The following MARCHF1 variants were observed in gnomAD, a reference collection of about 807,000 sequenced individuals.
MARCHF1 encodes E3 ubiquitin-protein ligase MARCHF1.
In MARCHF1, 40 loss-of-function variants were observed where a neutral mutation model predicts 54.2. The observed-to-expected ratio is 0.74, with a 90% CI of 0.57 to 0.96. The LOEUF is 0.96. Ranked by LOEUF, MARCHF1 falls within the 40% of genes least tolerant of loss-of-function variation. The probability of loss-of-function intolerance (pLI) is 0.00; values close to 1 mark genes in which losing one functional copy is unlikely to be tolerated. For missense variants in MARCHF1, 586 were observed against 656.5 expected, an observed-to-expected ratio of 0.89 and a Z score of 1.17; for synonymous variants, 236 against 236.3, an observed-to-expected ratio of 1.00 and a Z score of 0.01.
intron 4 of MARCHF1, among the ~76,000 whole-genome samples, chr4:163,802,665 G>C (rs1358429304): frequency 2.0e-5 from 3 of 152,172 alleles, no homozygotes; most frequent in Non-Finnish European, 2.9e-5. Context: ...ATTCTTGAGA[G>C]AAAATCATCA....
At chr4:164,155,728 C>T (rs756477820) in intron 1 of MARCHF1, among the ~76,000 whole-genome samples, 11 of 152,032 alleles carry the variant, frequency 7.2e-5, no homozygotes, top group Non-Finnish European at 1.2e-4. Context: ...ATTAATAATA[C>T]ACTATTCAGG....
intron 3 of MARCHF1, among the ~76,000 whole-genome samples, chr4:163,980,657 T>G (rs1348154439): frequency 2.0e-5 from 3 of 152,178 alleles, no homozygotes; most frequent in Non-Finnish European, 4.4e-5. Context: ...AGATGAATCC[T>G]TCACTGTATA....
intron 4 of MARCHF1, among the ~76,000 whole-genome samples, chr4:163,712,731 A>G (rs1745144254): frequency 6.6e-6 from 1 of 152,202 alleles, no homozygotes; most frequent in Non-Finnish European, 1.5e-5. Context: ...AAATAGACAC[A>G]AGGACTTAAA....
intron 5 of MARCHF1, among the ~76,000 whole-genome samples, chr4:163,642,643 G>C (rs1202522875): frequency 6.6e-6 from 1 of 152,190 alleles, no homozygotes; most frequent in South Asian, 2.1e-4. Flanking sequence ...AAAATGAAGG[G>C]ATGGGTGATT....
chr4:163,718,161 A>C (rs1745324683), intron 4 of MARCHF1, among the ~76,000 whole-genome samples: 1 of 152,240 alleles, frequency 6.6e-6, no homozygotes, highest in Admixed American at 6.5e-5. Context: ...TTCAAGATGG[A>C]TTAAAGACTT....
intron 8 of MARCHF1, among the ~76,000 whole-genome samples, chr4:163,547,759 T>G (rs1738957789): frequency 1.3e-5 from 2 of 152,250 alleles, no homozygotes; most frequent in Non-Finnish European, 2.9e-5. Flanking sequence ...AGTATGACCT[T>G]GATGCTCTAG....
chr4:163,568,305 A>C (rs1739717789), intron 8 of MARCHF1, among the ~76,000 whole-genome samples: 2 of 152,074 alleles, frequency 1.3e-5, no homozygotes, highest in African/African-American at 4.8e-5. Flanking sequence ...ACTAATGATA[A>C]TTCTTTGTTT....
At position 163,612,355 on chromosome 4, in the gene MARCHF1, T is replaced by C; in HGVS notation, c.926A>G (p.Asn309Ser). The C allele has an allele frequency of 6.5e-7, 1 of 1,535,430 alleles. No homozygotes were observed. Among genetic ancestry groups the C allele is most frequent in the African/African-American group, 1.4e-5 (1 of 73,108 alleles). Residue 309 changes from asparagine to serine, a missense_variant, in exon 7 of 10, where the codon AAT becomes AGT. Physicochemically the swap from Asn to Ser is conservative, Grantham distance 46. Coordinates refer to ENST00000514618, the MANE Select transcript of MARCHF1 (RefSeq NM_001394959.1). The part of the protein sequence containing the change: ...LGVPEGSKDM[N>S]DAGLQVNNPV... Reference sequence around the variant, plus strand: ...GTTATTCACCTGGAGCCCTGCATCATTCATGTCCTTGCTGCCTTCTGGAAC... The same window carrying C: ...GTTATTCACCTGGAGCCCTGCATCACTCATGTCCTTGCTGCCTTCTGGAAC...
intron 3 of MARCHF1, among the ~76,000 whole-genome samples, chr4:163,904,805 G>GAGAGAT (rs1173686795): frequency 3.0e-4 from 46 of 152,070 alleles, no homozygotes; most frequent in Non-Finnish European, 5.1e-4. Flanking sequence ...GAGAGAGAGA[G>GAGAGAT]AGACAGAGAG....
At chr4:163,721,235 T>C (rs1745446059) in intron 4 of MARCHF1, among the ~76,000 whole-genome samples, 1 of 152,220 alleles carries the variant, frequency 6.6e-6, no homozygotes, top group East Asian at 1.9e-4. Flanking sequence ...GTTTTTAGCA[T>C]GAAGGGTTGT....
intron 1 of MARCHF1, among the ~76,000 whole-genome samples, chr4:164,354,915 G>A (rs1358751833): frequency 1.9e-4 from 25 of 134,232 alleles, no homozygotes; most frequent in African/African-American, 6.4e-4. Flanking sequence ...CTTCAGCAAA[G>A]TCTCAGGATA....
At chr4:163,923,719 T>C (rs1324282286) in intron 3 of MARCHF1, among the ~76,000 whole-genome samples, 1 of 151,710 alleles carries the variant, frequency 6.6e-6, no homozygotes, top group Non-Finnish European at 1.5e-5. Flanking sequence ...ATATATACAT[T>C]TATGCTACAA....
chr4:163,843,901 T>C (rs77409344), intron 4 of MARCHF1, among the ~76,000 whole-genome samples: 3,272 of 152,150 alleles, frequency 0.022, 108 homozygotes, highest in African/African-American at 0.072. Flanking sequence ...TTTTTCCATA[T>C]GTTTGTTGGA....
intron 1 of MARCHF1, among the ~76,000 whole-genome samples, chr4:164,283,846 G>A (rs1404878099): frequency 3.3e-5 from 5 of 150,822 alleles, no homozygotes; most frequent in Non-Finnish European, 5.9e-5. Context: ...GGAAACCAAC[G>A]GCAGAGGAAT....
At chr4:164,199,317 C>T (rs1331074749) in intron 1 of MARCHF1, among the ~76,000 whole-genome samples, 1 of 152,064 alleles carries the variant, frequency 6.6e-6, no homozygotes, top group East Asian at 1.9e-4. Flanking sequence ...GTTTTGCTTC[C>T]CACAAATTCA....
At chr4:163,867,649 C>A (rs1463511502) in intron 3 of MARCHF1, among the ~76,000 whole-genome samples, 1 of 151,684 alleles carries the variant, frequency 6.6e-6, no homozygotes, top group Non-Finnish European at 1.5e-5. Flanking sequence ...GCTAATTTGC[C>A]ACACACTATT....
intron 2 of MARCHF1, among the ~76,000 whole-genome samples, chr4:164,084,183 A>G (rs1755152071): frequency 1.3e-5 from 2 of 151,962 alleles, no homozygotes; most frequent in South Asian, 4.1e-4. Context: ...AGAAGCTGTG[A>G]TTATGGTTTT....
chr4:163,846,270 G>A (rs185918237), intron 4 of MARCHF1, among the ~76,000 whole-genome samples: 33 of 152,272 alleles, frequency 2.2e-4, no homozygotes, highest in Admixed American at 5.9e-4. Flanking sequence ...TGGCCCACTT[G>A]CTCAGAGACT....
At chr4:163,853,843 C>T (rs569231430) in intron 4 of MARCHF1, among the ~76,000 whole-genome samples, 178 bp downstream of exon 4, 5 of 152,278 alleles carry the variant, frequency 3.3e-5, no homozygotes, top group African/African-American at 1.2e-4. Flanking sequence ...TTATATGTCA[C>T]TAAGGTATTT....
Sources: gnomAD v4.1 joint callset for allele counts (sites outside exome capture counted in the v4.1 genomes callset) on GRCh38, gnomAD v4.1.1 for gene constraint, MANE v1.5 for transcripts, NCBI Gene and HGNC (gene_info 2026-07-23, HGNC 2026-07-21) for gene names.